HIVEP3: variants seen among roughly 807,000 people sequenced by gnomAD.
HIVEP3 encodes transcription factor HIVEP3.
In HIVEP3, 49 loss-of-function variants were observed where a neutral mutation model predicts 152.8. The ratio of observed to expected loss-of-function variants is 0.32; its 90% CI spans 0.26 to 0.41. The LOEUF (loss-of-function observed/expected upper bound fraction) is 0.41. Among genes scored for constraint, HIVEP3 ranks in the 10% least tolerant of loss-of-function variants. The probability of loss-of-function intolerance (pLI) is 1.00; values close to 1 mark genes in which losing one functional copy is unlikely to be tolerated. For synonymous variants in HIVEP3, 1,269 were observed against 1,289.0 expected (o/e 0.98, Z 0.33); for missense variants, 2,790 against 3,103.3 (o/e 0.90, Z 2.40).
chr1:41,882,329 G>A (rs1385608435), intron 1 of HIVEP3, among the ~76,000 whole-genome samples: 1 of 152,162 alleles, frequency 6.6e-6, no homozygotes, highest in Non-Finnish European at 1.5e-5. Context: ...ACACTTTCTG[G>A]TTTTCTGTTT....
rs1558109207 is a variant in HIVEP3, at chr1:41,605,376, C to CGT, written c.-521-20059_-521-20058insAC. Among the ~76,000 whole-genome samples, 7 of 47,880 alleles carry CGT rather than the reference C, an allele frequency of 1.5e-4. No homozygotes were observed. The South Asian group carries it at 2.9e-3, about 20-fold the overall frequency. The allele number at this position is 47,880 out of a possible 152,430, so 31.4% of individuals were successfully genotyped here. ...TATTACATACACACACGCACACGCGCACACACACACACACACACACACACA... is the reference window on the plus strand; with the variant it reads ...TATTACATACACACACGCACACGCGCGTACACACACACACACACACACACACA... On this transcript the variant is annotated intron_variant, in intron 3 of 8. Coordinates refer to ENST00000372583, the MANE Select transcript of HIVEP3 (RefSeq NM_024503.5).
intron 1 of HIVEP3, among the ~76,000 whole-genome samples, chr1:41,728,408 C>T (rs2124181798): frequency 6.6e-6 from 1 of 152,064 alleles, no homozygotes; most frequent in African/African-American, 2.4e-5. Flanking sequence ...ATAGACGGCA[C>T]CCAGGCCTGG....
intron 1 of HIVEP3, among the ~76,000 whole-genome samples, chr1:41,730,560 C>A (rs997628564): frequency 6.6e-6 from 1 of 152,244 alleles, no homozygotes; most frequent in African/African-American, 2.4e-5. Flanking sequence ...ACATCATGGG[C>A]CACCAGGGGC....
chr1:41,931,978 G>A (rs926534833), intron 1 of HIVEP3, among the ~76,000 whole-genome samples: 23 of 151,532 alleles, frequency 1.5e-4, no homozygotes, highest in Admixed American at 6.6e-5. Context: ...CTTTCCATAT[G>A]AAGTCAGATA....
intron 1 of HIVEP3, among the ~76,000 whole-genome samples, chr1:41,743,376 GC>G (rs1647025541): frequency 6.6e-6 from 1 of 152,198 alleles, no homozygotes; most frequent in Non-Finnish European, 1.5e-5. Context: ...CTCTTTCAGT[GC>G]TACCAAATCC....
chr1:41,658,436 G>A (rs1053834402), intron 2 of HIVEP3, among the ~76,000 whole-genome samples: 6 of 152,190 alleles, frequency 3.9e-5, no homozygotes, highest in African/African-American at 1.4e-4. Context: ...TCCTGGGCTG[G>A]GAAGACTAGG....
chr1:41,761,486 G>C (rs1647679347), intron 1 of HIVEP3, among the ~76,000 whole-genome samples: 1 of 152,162 alleles, frequency 6.6e-6, no homozygotes, highest in South Asian at 2.1e-4. Context: ...GTATGCATGT[G>C]TATGTGCATG....
intron 2 of HIVEP3, among the ~76,000 whole-genome samples, chr1:41,678,903 G>T (rs567320577): frequency 6.6e-6 from 1 of 152,348 alleles, no homozygotes; most frequent in Admixed American, 6.5e-5. Flanking sequence ...TATCACCATG[G>T]CCAGATGTCC....
chr1:41,764,491 T>C (rs1251267256), intron 1 of HIVEP3, among the ~76,000 whole-genome samples: 1 of 152,150 alleles, frequency 6.6e-6, no homozygotes, highest in Non-Finnish European at 1.5e-5. Context: ...GAGGGACAGC[T>C]GCAGAGGGAA....
chr1:41,563,495 C>T (rs1644114196), intron 5 of HIVEP3, among the ~76,000 whole-genome samples: 1 of 152,112 alleles, frequency 6.6e-6, no homozygotes, highest in African/African-American at 2.4e-5. Context: ...GACCCTTTAA[C>T]CAAGAGGGAG....
intron 1 of HIVEP3, among the ~76,000 whole-genome samples, chr1:41,736,715 G>A (rs1476993661): frequency 6.6e-6 from 1 of 152,246 alleles, no homozygotes; most frequent in Non-Finnish European, 1.5e-5. Flanking sequence ...TGTACTGGAT[G>A]CCTGGGGATT....
chr1:41,834,762 T>C (rs2124361160), intron 1 of HIVEP3, among the ~76,000 whole-genome samples: 1 of 152,246 alleles, frequency 6.6e-6, no homozygotes, highest in African/African-American at 2.4e-5. Flanking sequence ...CACAATACAG[T>C]ATCAGTTAGT....
intron 1 of HIVEP3, among the ~76,000 whole-genome samples, chr1:41,841,350 G>A (rs1256372982): frequency 1.3e-5 from 2 of 152,138 alleles, no homozygotes; most frequent in Non-Finnish European, 2.9e-5. Flanking sequence ...CCAGAAACGC[G>A]GTGTTTATTA....
intron 3 of HIVEP3, among the ~76,000 whole-genome samples, chr1:41,594,464 C>T (rs1233097648): frequency 1.3e-5 from 2 of 152,182 alleles, no homozygotes; most frequent in South Asian, 2.1e-4. Context: ...CTCAAGTGAT[C>T]CCCTGCCTCA....
Position 41,916,314 on chromosome 1 carries a change from T to C in HIVEP3, c.-801+2099A>G, listed in dbSNP as rs143650075. Among the ~76,000 whole-genome samples, 35 of 152,344 alleles carry C rather than the reference T, an allele frequency of 2.3e-4. No homozygotes were observed. The South Asian group carries it at 3.7e-3, about 16-fold the overall frequency. On this transcript the variant is annotated intron_variant, in intron 1 of 8. Transcript: ENST00000372583. ...ACTGCCACAGAGTTCACAGTAGTAG[T>C]TGGCCCTCAAAGCAAACCCACTGGG... is the stretch of plus-strand genomic sequence containing the variant.
chr1:41,564,312 T>C (rs1404961939), intron 5 of HIVEP3, among the ~76,000 whole-genome samples: 1 of 152,032 alleles, frequency 6.6e-6, no homozygotes, highest in Non-Finnish European at 1.5e-5. Context: ...ACAGAGGGTA[T>C]GAAAATCAGA....
At chr1:41,754,324 G>C (rs1215716170) in intron 1 of HIVEP3, among the ~76,000 whole-genome samples, 2 of 152,106 alleles carry the variant, frequency 1.3e-5, no homozygotes, top group Non-Finnish European at 2.9e-5. Flanking sequence ...GTGGTGAAGA[G>C]ACTCCACTGC....
chr1:41,772,093 G>T (rs1159644043), intron 1 of HIVEP3, among the ~76,000 whole-genome samples: 1 of 152,180 alleles, frequency 6.6e-6, no homozygotes, highest in Non-Finnish European at 1.5e-5. Context: ...AGTAGGCCAT[G>T]CTTGACCTCC....
intron 1 of HIVEP3, among the ~76,000 whole-genome samples, chr1:41,988,357 T>C (rs1353500430): frequency 4.6e-5 from 7 of 152,126 alleles, no homozygotes. Context: ...ACCCAAAATA[T>C]ATAAGAAACT....
Sources: gnomAD v4.1 joint callset for allele counts (sites outside exome capture counted in the v4.1 genomes callset) on GRCh38, gnomAD v4.1.1 for gene constraint, MANE v1.5 for transcripts, NCBI Gene and HGNC (gene_info 2026-07-23, HGNC 2026-07-21) for gene names.